The following DCLK1 variants were observed in gnomAD, a reference collection of about 807,000 sequenced individuals.
DCLK1 encodes serine/threonine-protein kinase DCLK1.
DCLK1 carries 16 observed loss-of-function variants against 86.2 expected under a neutral mutation model. The ratio of observed to expected loss-of-function variants is 0.19; its 90% CI spans 0.13 to 0.28. DCLK1 has a LOEUF of 0.28. DCLK1 is among the 10% of genes least tolerant of loss of function. The pLI, the probability that DCLK1 is intolerant of heterozygous loss-of-function variation, is 1.00. For synonymous variants in DCLK1, 369 were observed against 370.5 expected, an observed-to-expected ratio of 1.00 and a Z score of 0.05; for missense variants, 590 against 940.2, an observed-to-expected ratio of 0.63 and a Z score of 4.87.
intron 3 of DCLK1, among the ~76,000 whole-genome samples, chr13:36,059,227 A>G (rs901150563): frequency 1.3e-4 from 20 of 152,190 alleles, no homozygotes; most frequent in Non-Finnish European, 1.5e-5. Context: ...GCCATTGTGT[A>G]TAAAAGTATT....
At position 36,000,950 on chromosome 13, in the gene DCLK1, A is replaced by ATT. The variant is rs11449048; in HGVS notation, c.724-53495_724-53494dup. On this transcript the variant is annotated intron_variant, in intron 3 of 16. Transcript: ENST00000360631. ...GCTATAAAAGTTGTATGCATAACTGATTTTTTTTTTTTTTTGAGACAGAGT... is the reference window on the plus strand; with the variant it reads ...GCTATAAAAGTTGTATGCATAACTGATTTTTTTTTTTTTTTTTGAGACAGAGT... 0.011 allele frequency among the ~76,000 whole-genome samples: 1,578 copies of ATT among 146,622 alleles called. 98 individuals carry two copies. The East Asian group carries it at 0.2, about 19-fold the overall frequency.
intron 4 of DCLK1, among the ~76,000 whole-genome samples, chr13:35,941,646 C>T (rs767227022): frequency 2.4e-4 from 36 of 152,278 alleles, no homozygotes; most frequent in South Asian, 8.3e-4. Context: ...CAAAAGTCTT[C>T]CTGCAGTTTT....
rs531703331 is a variant in DCLK1 at position 35,887,072 on chromosome 13, G to A, written c.824-15732C>T. On this transcript the variant is annotated intron_variant, in intron 4 of 16. Transcript: ENST00000360631. ...AACTGGAAAGACGAAATAGTTCTGC[G>A]TTGCTTATATTTTTGGCAAAATGAG... Among the ~76,000 whole-genome samples, 12 of 152,252 alleles carry A rather than the reference G, an allele frequency of 7.9e-5. No individual in the cohort carries two copies. The South Asian group carries it at 1.5e-3, about 18-fold the overall frequency.
chr13:35,836,977 G>A (rs924722637), intron 7 of DCLK1, among the ~76,000 whole-genome samples: 1 of 152,192 alleles, frequency 6.6e-6, no homozygotes, highest in Non-Finnish European at 1.5e-5. Context: ...GCTCTAAAAT[G>A]TACATGTTTT....
At chr13:36,109,477 C>T (rs767942576) in intron 3 of DCLK1, among the ~76,000 whole-genome samples, 4 of 152,150 alleles carry the variant, frequency 2.6e-5, no homozygotes, top group Non-Finnish European at 5.9e-5. Flanking sequence ...ATGTTTTTAA[C>T]GAGTTCTGTG....
chr13:35,950,767 C>A (rs1015625613), intron 3 of DCLK1, among the ~76,000 whole-genome samples: 8 of 152,128 alleles, frequency 5.3e-5, no homozygotes, highest in Non-Finnish European at 1.2e-4. Flanking sequence ...CCTTTCCAAG[C>A]TTTTCTGTTC....
intron 4 of DCLK1, among the ~76,000 whole-genome samples, chr13:35,909,409 A>T (rs1447436298): frequency 6.6e-6 from 1 of 152,166 alleles, no homozygotes; most frequent in Non-Finnish European, 1.5e-5. Context: ...GCTTGCTGGC[A>T]ATCCTGGCTC....
chr13:36,028,778 GAAGTGACC>G, intron 3 of DCLK1, among the ~76,000 whole-genome samples: 1 of 152,202 alleles, frequency 6.6e-6, no homozygotes, highest in Non-Finnish European at 1.5e-5. Flanking sequence ...GATGGCAATG[GAAGTGACC>G]TCTGGTTGTC....
At chr13:35,895,577 C>G (rs1434164157) in intron 4 of DCLK1, among the ~76,000 whole-genome samples, 1 of 152,050 alleles carries the variant, frequency 6.6e-6, no homozygotes, top group African/African-American at 2.4e-5. Flanking sequence ...TAAGTGATAT[C>G]AGAAGTGGCT....
At chr13:35,891,995 G>C (rs1873675453) in intron 4 of DCLK1, among the ~76,000 whole-genome samples, 2 of 152,038 alleles carry the variant, frequency 1.3e-5, no homozygotes, top group African/African-American at 2.4e-5. Context: ...AACATAACAT[G>C]CTACAGTGTG....
chr13:35,850,524 A>G, intron 6 of DCLK1: 1 of 1,245,086 alleles, frequency 8.0e-7, no homozygotes, highest in Non-Finnish European at 1.0e-6. Context: ...TGTGGGAGAT[A>G]TTTTTAAAAA....
chr13:35,970,426 C>T (rs190916423), intron 3 of DCLK1, among the ~76,000 whole-genome samples: 47 of 152,284 alleles, frequency 3.1e-4, no homozygotes, highest in African/African-American at 1.0e-3. Context: ...GAATGTTTGT[C>T]CCCTCCAAAA....
At chr13:35,968,791 C>G (rs138915097) in intron 3 of DCLK1, among the ~76,000 whole-genome samples, 101 of 152,108 alleles carry the variant, frequency 6.6e-4, no homozygotes, top group African/African-American at 2.2e-3. Flanking sequence ...AAGAACAAAA[C>G]AAGAAGAAAA....
At chr13:35,974,240 T>G (rs1879211542) in intron 3 of DCLK1, among the ~76,000 whole-genome samples, 1 of 152,212 alleles carries the variant, frequency 6.6e-6, no homozygotes, top group African/African-American at 2.4e-5. Flanking sequence ...CTTGAGAATG[T>G]GACTGCATTT....
At chr13:36,015,988 C>T (rs1267166809) in intron 3 of DCLK1, among the ~76,000 whole-genome samples, 2 of 152,112 alleles carry the variant, frequency 1.3e-5, no homozygotes, top group African/African-American at 4.8e-5. Flanking sequence ...GCTAGGACAT[C>T]GAATACTTTC....
chr13:35,833,511 A>G (rs1056597478), intron 8 of DCLK1, among the ~76,000 whole-genome samples: 6 of 152,114 alleles, frequency 3.9e-5, no homozygotes, highest in East Asian at 1.9e-4. Context: ...CCCAGAGGCC[A>G]CTCAAGAAGT....
intron 3 of DCLK1, among the ~76,000 whole-genome samples, chr13:36,012,369 T>C (rs534166315): frequency 5.9e-5 from 9 of 152,260 alleles, no homozygotes; most frequent in Non-Finnish European, 1.3e-4. Flanking sequence ...CTGTTACCGG[T>C]TGTTCCTTTC....
At chr13:35,892,962 A>G (rs1873733484) in intron 4 of DCLK1, among the ~76,000 whole-genome samples, 1 of 152,256 alleles carries the variant, frequency 6.6e-6, no homozygotes, top group African/African-American at 2.4e-5. Context: ...ATATACCAAA[A>G]GATGGGCTCT....
intron 6 of DCLK1, among the ~76,000 whole-genome samples, chr13:35,842,465 AT>A (rs1231580576): frequency 6.6e-6 from 1 of 151,754 alleles, no homozygotes; most frequent in Non-Finnish European, 1.5e-5. Context: ...GAGCCCACAA[AT>A]TCAAGACCAC....
Sources: gnomAD v4.1 joint callset for allele counts (sites outside exome capture counted in the v4.1 genomes callset) on GRCh38, gnomAD v4.1.1 for gene constraint, MANE v1.5 for transcripts, NCBI Gene and HGNC (gene_info 2026-07-23, HGNC 2026-07-21) for gene names.